Variants in MAML3 observed in about 807,000 individuals in gnomAD.
MAML3 encodes mastermind-like protein 3.
Under a neutral mutation model 101.9 loss-of-function variants are expected in MAML3, and 27 were observed. The ratio of observed to expected loss-of-function variants is 0.27; its 90% CI spans 0.20 to 0.37. MAML3 has a LOEUF of 0.37. Among genes scored for constraint, MAML3 ranks in the 10% least tolerant of loss-of-function variants. MAML3 has a pLI of 1.00. For missense variants in MAML3, 1,316 were observed against 1,444.9 expected (o/e 0.91, Z 1.45); for synonymous variants, 501 against 555.9 (o/e 0.90, Z 1.39).
intron 1 of MAML3, among the ~76,000 whole-genome samples, chr4:139,989,894 GAGAGAGAA>G (rs1734632249): frequency 2.0e-5 from 3 of 149,762 alleles, no homozygotes; most frequent in Admixed American, 1.3e-4. Context: ...GAGAGAGAGA[GAGAGAGAA>G]AGAGAGAGAG....
At chr4:140,045,448 T>C (rs1727167071) in intron 1 of MAML3, among the ~76,000 whole-genome samples, 1 of 151,922 alleles carries the variant, frequency 6.6e-6, no homozygotes, top group South Asian at 2.1e-4. Flanking sequence ...GTGCCTGTTT[T>C]TGTTTGTTTG....
chr4:139,992,284 T>C (rs995020944), intron 1 of MAML3, among the ~76,000 whole-genome samples: 17 of 152,198 alleles, frequency 1.1e-4, no homozygotes, highest in Admixed American at 7.2e-4. Context: ...CTAAGAATGA[T>C]TCTGTTATGA....
intron 1 of MAML3, among the ~76,000 whole-genome samples, chr4:139,903,865 A>T (rs1442683118): frequency 1.3e-5 from 2 of 152,182 alleles, no homozygotes; most frequent in African/African-American, 4.8e-5. Flanking sequence ...AACGGCCATT[A>T]CTCATTAGAC....
intron 1 of MAML3, among the ~76,000 whole-genome samples, chr4:139,975,461 A>C (rs1011444523): frequency 6.6e-6 from 1 of 151,702 alleles, no homozygotes; most frequent in Non-Finnish European, 1.5e-5. Flanking sequence ...ACACACACAC[A>C]CCCCATATAC....
intron 1 of MAML3, among the ~76,000 whole-genome samples, chr4:140,152,242 A>G (rs576198057): frequency 1.3e-5 from 2 of 152,240 alleles, no homozygotes; most frequent in East Asian, 1.9e-4. Flanking sequence ...CTCGTTTCTC[A>G]CCCACTTCAA....
intron 1 of MAML3, among the ~76,000 whole-genome samples, chr4:140,040,555 C>T (rs1057076163): frequency 2.0e-5 from 3 of 152,226 alleles, no homozygotes; most frequent in Admixed American, 6.5e-5. Flanking sequence ...GGGCGCCACA[C>T]TAAAATATTA....
At chr4:140,056,909 T>C (rs1035997406) in intron 1 of MAML3, among the ~76,000 whole-genome samples, 9 of 152,154 alleles carry the variant, frequency 5.9e-5, no homozygotes, top group African/African-American at 2.2e-4. Context: ...GCTTACTCTG[T>C]GCAGGCACGA....
At chr4:139,928,239 C>A (rs13129067) in intron 1 of MAML3, among the ~76,000 whole-genome samples, 53,026 of 152,074 alleles carry the variant, frequency 0.35, 10,081 homozygotes, top group East Asian at 0.63. Context: ...AGTTACATTT[C>A]ATAATAAGCT....
intron 2 of MAML3, among the ~76,000 whole-genome samples, chr4:139,835,363 T>C (rs1311165761): frequency 6.6e-6 from 1 of 152,242 alleles, no homozygotes; most frequent in Non-Finnish European, 1.5e-5. Flanking sequence ...GCTGACTGAC[T>C]AAAGACATGT....
At chr4:140,089,881 C>T (rs893983611) in intron 1 of MAML3, among the ~76,000 whole-genome samples, 4 of 152,112 alleles carry the variant, frequency 2.6e-5, no homozygotes, top group African/African-American at 9.7e-5. Flanking sequence ...CCTTGGCCTC[C>T]CAAAGTGCTG....
intron 1 of MAML3, among the ~76,000 whole-genome samples, chr4:140,144,040 C>T (rs993633424): frequency 1.3e-5 from 2 of 152,158 alleles, no homozygotes. Flanking sequence ...TTGTTTAAAG[C>T]AGGGCCCCTC....
chr4:139,744,554 G>A (rs573633661), intron 2 of MAML3, among the ~76,000 whole-genome samples: 11 of 152,154 alleles, frequency 7.2e-5, no homozygotes, highest in Non-Finnish European at 1.5e-4. Context: ...TGTGTGGCGT[G>A]TATATTTTGC....
intron 2 of MAML3, among the ~76,000 whole-genome samples, chr4:139,845,504 G>C (rs17050936): frequency 0.041 from 6,293 of 152,252 alleles, 403 homozygotes; most frequent in African/African-American, 0.14. Context: ...AGATGTCAGA[G>C]AGTTTTGATA....
At chr4:139,828,273 T>C (rs1731097637) in intron 2 of MAML3, among the ~76,000 whole-genome samples, 2 of 152,222 alleles carry the variant, frequency 1.3e-5, no homozygotes, top group Admixed American at 1.3e-4. Context: ...GACACCAGGA[T>C]CTAGCCTGAG....
intron 1 of MAML3, among the ~76,000 whole-genome samples, chr4:139,949,951 T>A (rs1365598130): frequency 1.3e-5 from 2 of 152,124 alleles, no homozygotes; most frequent in Non-Finnish European, 2.9e-5. Context: ...CAAAGACAGG[T>A]TTCCCAAAGA....
At chr4:139,911,537 C>T (rs183019207) in intron 1 of MAML3, among the ~76,000 whole-genome samples, 18 of 152,220 alleles carry the variant, frequency 1.2e-4, no homozygotes, top group Non-Finnish European at 1.8e-4. Context: ...CTTTTTAAGG[C>T]GGAAAAATAT....
chr4:140,076,546 T>C (rs2110962080), intron 1 of MAML3, among the ~76,000 whole-genome samples: 1 of 152,354 alleles, frequency 6.6e-6, no homozygotes, highest in South Asian at 2.1e-4. Context: ...TCCAGGCCCC[T>C]GGAAGTCCTG....
chr4:139,749,993 G>A (rs368508644), intron 2 of MAML3, among the ~76,000 whole-genome samples: 296 of 151,154 alleles, frequency 2.0e-3, no homozygotes, highest in African/African-American at 6.8e-3. Context: ...TAATATGGAT[G>A]GATTATTCAT....
intron 1 of MAML3, among the ~76,000 whole-genome samples, chr4:139,980,381 A>AT (rs1168710419): frequency 6.6e-6 from 1 of 151,772 alleles, no homozygotes; most frequent in East Asian, 1.9e-4. Context: ...TTTTGACTTG[A>AT]TTTTTTCCCC....
Sources: gnomAD v4.1 joint callset for allele counts (sites outside exome capture counted in the v4.1 genomes callset) on GRCh38, gnomAD v4.1.1 for gene constraint, MANE v1.5 for transcripts, NCBI Gene and HGNC (gene_info 2026-07-23, HGNC 2026-07-21) for gene names.